The following TMEM117 variants were observed in gnomAD, a reference collection of about 807,000 sequenced individuals.
TMEM117 encodes transmembrane protein 117.
In TMEM117, 27 loss-of-function variants were observed where a neutral mutation model predicts 52.4. The ratio of observed to expected loss-of-function variants is 0.51; its 90% CI spans 0.38 to 0.71. TMEM117 has a LOEUF of 0.71. TMEM117 is among the 30% of genes least tolerant of loss of function. The pLI is 0.00. For missense variants in TMEM117, 556 were observed against 630.5 expected, an observed-to-expected ratio of 0.88 and a Z score of 1.26; for synonymous variants, 215 against 206.3, an observed-to-expected ratio of 1.04 and a Z score of -0.36.
the TMEM117 span, among the ~76,000 whole-genome samples, chr12:44,396,807 T>C: frequency 1.3e-5 from 2 of 150,790 alleles, no homozygotes; most frequent in Admixed American, 6.6e-5. Context: ...TGAGCCGAGA[T>C]TGTGCCTTTG....
At chr12:44,155,194 C>A (rs1948809741) in intron 4 of TMEM117, among the ~76,000 whole-genome samples, 1 of 152,020 alleles carries the variant, frequency 6.6e-6, no homozygotes, top group Non-Finnish European at 1.5e-5. Context: ...AATTACAGAC[C>A]TTTGGTATTC....
At chr12:43,821,044 G>A in the TMEM117 span, among the ~76,000 whole-genome samples, 1 of 149,748 alleles carries the variant, frequency 6.7e-6, no homozygotes, top group Non-Finnish European at 1.5e-5. Flanking sequence ...GCAGTGAGTC[G>A]AGATCGCGCC....
intron 3 of TMEM117, among the ~76,000 whole-genome samples, chr12:44,016,001 CAAAAA>C (rs1272179127): frequency 6.6e-6 from 1 of 152,158 alleles, no homozygotes; most frequent in Non-Finnish European, 1.5e-5. Context: ...CTCTGTGTCT[CAAAAA>C]CAAGAATAAA....
chr12:43,829,185 A>G, the TMEM117 span, among the ~76,000 whole-genome samples: 1 of 152,096 alleles, frequency 6.6e-6, no homozygotes, highest in South Asian at 2.1e-4. Context: ...GTTTGCTTCA[A>G]ACTTCTTCTG....
At chr12:44,235,180 C>T (rs1305390511) in intron 5 of TMEM117, among the ~76,000 whole-genome samples, 4 of 149,028 alleles carry the variant, frequency 2.7e-5, no homozygotes, top group East Asian at 1.9e-4. Context: ...TGATTCTCTT[C>T]GTACTCTCTC....
chr12:44,208,725 GTTTTTTTTTTT>G (rs5797892), intron 4 of TMEM117, among the ~76,000 whole-genome samples: 1 of 68,844 alleles, frequency 1.5e-5, no homozygotes, highest in East Asian at 5.1e-4. Context: ...CAGAAAGAAT[GTTTTTTTTTTT>G]TTTTTTTTTT....
intron 6 of TMEM117, among the ~76,000 whole-genome samples, chr12:44,330,247 C>G (rs905724413): frequency 1.3e-5 from 2 of 151,536 alleles, no homozygotes; most frequent in African/African-American, 4.8e-5. Flanking sequence ...AATGAGGAAC[C>G]TTTTTTAAAA....
chr12:44,229,844 C>G (rs1429863754), intron 5 of TMEM117, among the ~76,000 whole-genome samples: 1 of 152,088 alleles, frequency 6.6e-6, no homozygotes, highest in African/African-American at 2.4e-5. Flanking sequence ...AAATGTTTCT[C>G]TTTATTCCAA....
intron 2 of TMEM117, among the ~76,000 whole-genome samples, chr12:43,855,304 C>T (rs1319698192): frequency 6.6e-6 from 1 of 151,338 alleles, no homozygotes; most frequent in Non-Finnish European, 1.5e-5. Flanking sequence ...CTCTTGTTGC[C>T]CAGGCTGGAG....
intron 6 of TMEM117, among the ~76,000 whole-genome samples, chr12:44,322,044 A>G (rs1340133940): frequency 6.6e-6 from 1 of 152,214 alleles, no homozygotes; most frequent in African/African-American, 2.4e-5. Context: ...TCTAGCCATA[A>G]TGACCTGGGT....
At chr12:44,184,001 G>T (rs994598435) in intron 4 of TMEM117, among the ~76,000 whole-genome samples, 1 of 152,130 alleles carries the variant, frequency 6.6e-6, no homozygotes. Flanking sequence ...AGATACTGCT[G>T]GGAAGGGACT....
intron 5 of TMEM117, among the ~76,000 whole-genome samples, chr12:44,215,165 C>G (rs1949699347): frequency 6.6e-6 from 1 of 152,158 alleles, no homozygotes; most frequent in African/African-American, 2.4e-5. Context: ...TGCAATGTGA[C>G]TATGCACAGC....
chr12:44,354,535 A>G (rs567551237), intron 6 of TMEM117, among the ~76,000 whole-genome samples: 145 of 152,218 alleles, frequency 9.5e-4, no homozygotes, highest in African/African-American at 3.4e-3. Flanking sequence ...AGTAAACATA[A>G]TCCAGCATAT....
chr12:44,006,428 A>G (rs773868166), intron 3 of TMEM117, among the ~76,000 whole-genome samples: 3 of 152,192 alleles, frequency 2.0e-5, no homozygotes, highest in Non-Finnish European at 4.4e-5. Context: ...TCCCAAGGCA[A>G]ACATTGAATC....
chr12:44,155,733 C>CAGTT (rs1260471842), intron 4 of TMEM117, among the ~76,000 whole-genome samples: 1 of 152,066 alleles, frequency 6.6e-6, no homozygotes, highest in Admixed American at 6.6e-5. Context: ...CATTAAAATT[C>CAGTT]AGTTTACAAC....
At chr12:43,987,906 C>T (rs1480950361) in intron 3 of TMEM117, among the ~76,000 whole-genome samples, 2 of 152,074 alleles carry the variant, frequency 1.3e-5, no homozygotes, top group South Asian at 4.1e-4. Context: ...CAGGAAAACA[C>T]ATGAATGTTT....
chr12:43,870,697 T>A (rs1269640997), intron 2 of TMEM117, among the ~76,000 whole-genome samples: 1 of 152,192 alleles, frequency 6.6e-6, no homozygotes, highest in African/African-American at 2.4e-5. Flanking sequence ...ATTGCCACAC[T>A]CTCTTCCACA....
intron 3 of TMEM117, among the ~76,000 whole-genome samples, chr12:44,125,112 A>AT (rs928071717): frequency 3.2e-4 from 48 of 149,706 alleles, no homozygotes; most frequent in Non-Finnish European, 5.4e-4. Flanking sequence ...TATGGGATTA[A>AT]TTTTTTTTTT....
At chr12:44,060,657 C>T (rs1183844778) in intron 3 of TMEM117, among the ~76,000 whole-genome samples, 1 of 152,068 alleles carries the variant, frequency 6.6e-6, no homozygotes, top group Non-Finnish European at 1.5e-5. Flanking sequence ...AGGTTTCAGA[C>T]ACAAGATTTA....
Sources: allele counts gnomAD v4.1 joint callset (sites outside exome capture counted in the v4.1 genomes callset), GRCh38; gene constraint gnomAD v4.1.1; transcripts MANE v1.5; gene names NCBI Gene and HGNC (gene_info 2026-07-23, HGNC 2026-07-21).